Variants in GAREM1 observed in about 807,000 individuals in gnomAD.
GAREM1 encodes GRB2-associated and regulator of MAPK protein 1.
A neutral mutation model predicts 71.3 loss-of-function variants in GAREM1; 26 were observed. The observed-to-expected ratio is 0.36, with a 90% CI of 0.27 to 0.51. The LOEUF (loss-of-function observed/expected upper bound fraction) is 0.51, where lower values mean the gene tolerates loss of function less well. Ranked by LOEUF, GAREM1 falls within the 20% of genes least tolerant of loss-of-function variation. The pLI is 0.95. For synonymous variants in GAREM1, 440 were observed against 433.2 expected (o/e 1.02, Z -0.20); for missense variants, 1,026 against 1,103.1 (o/e 0.93, Z 0.99).
chr18:32,426,990 T>C (rs915139649), intron 1 of GAREM1, among the ~76,000 whole-genome samples: 3 of 152,226 alleles, frequency 2.0e-5, no homozygotes, highest in Non-Finnish European at 4.4e-5. Context: ...TTAAATTGCA[T>C]AGGAGCCCTT....
At chr18:32,310,632 C>A (rs185152354) in intron 2 of GAREM1, among the ~76,000 whole-genome samples, 117 of 152,280 alleles carry the variant, frequency 7.7e-4, no homozygotes, top group Middle Eastern at 3.4e-3. Context: ...ACTCACTTTG[C>A]TATAAATGGT....
intron 1 of GAREM1, among the ~76,000 whole-genome samples, chr18:32,463,173 CCA>C (rs1276651342): frequency 6.6e-6 from 1 of 151,888 alleles, no homozygotes; most frequent in African/African-American, 2.4e-5. Context: ...TACTGAAATG[CCA>C]CATTGTACTC....
At chr18:32,403,233 T>A (rs2048333788) in intron 1 of GAREM1, among the ~76,000 whole-genome samples, 1 of 151,940 alleles carries the variant, frequency 6.6e-6, no homozygotes, top group Non-Finnish European at 1.5e-5. Flanking sequence ...TCCTAATGTA[T>A]TTAAATATTG....
At chr18:32,464,691 T>A (rs2048982938) in intron 1 of GAREM1, among the ~76,000 whole-genome samples, 1 of 152,194 alleles carries the variant, frequency 6.6e-6, no homozygotes, top group South Asian at 2.1e-4. Context: ...TCTCAGCTTC[T>A]TCTTCTGTAC....
chr18:32,432,533 A>T (rs932045714), intron 1 of GAREM1, among the ~76,000 whole-genome samples: 1 of 152,182 alleles, frequency 6.6e-6, no homozygotes. Context: ...AGATCAATAA[A>T]ATTGATAAAT....
chr18:32,446,907 G>C (rs571249148), intron 1 of GAREM1, among the ~76,000 whole-genome samples: 1 of 152,280 alleles, frequency 6.6e-6, no homozygotes, highest in South Asian at 2.1e-4. Flanking sequence ...GCCGTGGTGA[G>C]TGTCATCAGG....
chr18:32,451,073 C>A (rs1019263614), intron 1 of GAREM1, among the ~76,000 whole-genome samples: 11 of 152,078 alleles, frequency 7.2e-5, no homozygotes, highest in Admixed American at 2.0e-4. Flanking sequence ...CCACTTGAGC[C>A]TGGGAGGCTG....
intron 2 of GAREM1, among the ~76,000 whole-genome samples, chr18:32,387,592 G>T (rs2048160881): frequency 6.6e-6 from 1 of 152,168 alleles, no homozygotes; most frequent in Non-Finnish European, 1.5e-5. Flanking sequence ...CAAAATACGT[G>T]ATGTTGACTG....
At chr18:32,430,420 A>G (rs2048612600) in intron 1 of GAREM1, among the ~76,000 whole-genome samples, 1 of 152,224 alleles carries the variant, frequency 6.6e-6, no homozygotes, top group Non-Finnish European at 1.5e-5. Context: ...TGTTTCTCGC[A>G]AGAGTACGGA....
At chr18:32,383,683 A>C (rs182066973) in intron 2 of GAREM1, among the ~76,000 whole-genome samples, 5 of 152,324 alleles carry the variant, frequency 3.3e-5, no homozygotes, top group African/African-American at 9.6e-5. Flanking sequence ...TCATAGGTTA[A>C]ATTATATTTG....
chr18:32,402,308 C>G (rs565687979), intron 1 of GAREM1, among the ~76,000 whole-genome samples: 29 of 152,180 alleles, frequency 1.9e-4, no homozygotes, highest in Middle Eastern at 3.4e-3. Context: ...ATTTTACTTG[C>G]CCCATTTGAC....
chr18:32,378,057 T>TGTGTGTGTGC (rs1293817110), intron 2 of GAREM1, among the ~76,000 whole-genome samples: 111 of 127,598 alleles, frequency 8.7e-4, no homozygotes, highest in Middle Eastern at 3.8e-3. Flanking sequence ...TGTGTGTGTG[T>TGTGTGTGTGC]GCGCGCGGGC....
intron 1 of GAREM1, among the ~76,000 whole-genome samples, chr18:32,469,025 T>C (rs1279309670): frequency 7.1e-6 from 1 of 141,552 alleles, no homozygotes; most frequent in African/African-American, 2.6e-5. Flanking sequence ...ATTACTAGTT[T>C]TAAAACTTCC....
At chr18:32,275,785 TCTC>T (rs1304705239) in intron 4 of GAREM1, among the ~76,000 whole-genome samples, 1 of 152,138 alleles carries the variant, frequency 6.6e-6, no homozygotes, top group Admixed American at 6.5e-5. Flanking sequence ...TTCAAGCAAT[TCTC>T]CTGCCTCAGC....
intron 2 of GAREM1, among the ~76,000 whole-genome samples, chr18:32,367,778 A>G (rs763321597): frequency 2.6e-5 from 4 of 152,086 alleles, no homozygotes; most frequent in African/African-American, 7.2e-5. Context: ...ACAGGGAGAT[A>G]AGGAGGAGAA....
chr18:32,428,612 T>C (rs1250150459), intron 1 of GAREM1, among the ~76,000 whole-genome samples: 7 of 152,234 alleles, frequency 4.6e-5, no homozygotes, highest in African/African-American at 1.7e-4. Context: ...GATGCTACCA[T>C]GCTTCCCATA....
intron 3 of GAREM1, among the ~76,000 whole-genome samples, chr18:32,306,458 C>G (rs1026219473): frequency 1.4e-5 from 2 of 140,174 alleles, no homozygotes; most frequent in Admixed American, 1.4e-4. Context: ...GAATGTTTAG[C>G]AGCAACCCCC....
chr18:32,289,991 TTG>T (rs61701777), intron 3 of GAREM1, among the ~76,000 whole-genome samples: 1 of 151,652 alleles, frequency 6.6e-6, no homozygotes, highest in Admixed American at 6.6e-5. Context: ...AGGTTTTTTT[TTG>T]TGTGTGTGTG....
At chr18:32,424,132 A>G (rs904008564) in intron 1 of GAREM1, among the ~76,000 whole-genome samples, 5 of 151,238 alleles carry the variant, frequency 3.3e-5, no homozygotes, top group Non-Finnish European at 4.4e-5. Context: ...TGAGACCCCC[A>G]TCTCCCCACC....
Sources: gnomAD v4.1 joint callset for allele counts (sites outside exome capture counted in the v4.1 genomes callset) on GRCh38, gnomAD v4.1.1 for gene constraint, MANE v1.5 for transcripts, NCBI Gene and HGNC (gene_info 2026-07-23, HGNC 2026-07-21) for gene names.